SYN2: variants seen among roughly 807,000 people sequenced by gnomAD.
The protein encoded by SYN2 is synapsin II, also known as synapsin-2.
A neutral mutation model predicts 50.9 loss-of-function variants in SYN2; 19 were observed. The observed-to-expected ratio is 0.37, with a 90% confidence interval of 0.26 to 0.55. The LOEUF (loss-of-function observed/expected upper bound fraction) is 0.55, where lower values mean the gene tolerates loss of function less well. Among genes scored for constraint, SYN2 ranks in the 20% least tolerant of loss-of-function variants. The pLI is 0.81. For missense variants in SYN2, 587 were observed against 576.4 expected, an observed-to-expected ratio of 1.02 and a Z score of -0.19; for synonymous variants, 255 against 224.9, an observed-to-expected ratio of 1.13 and a Z score of -1.20.
At chr3:12,017,791 C>T (rs1259820766) in intron 1 of SYN2, among the ~76,000 whole-genome samples, 1 of 152,106 alleles carries the variant, frequency 6.6e-6, no homozygotes, top group African/African-American at 2.4e-5. Flanking sequence ...CATTTGTGAA[C>T]AGATTTTCAT....
chr3:12,082,322 A>G (rs893458211), intron 1 of SYN2, among the ~76,000 whole-genome samples: 1 of 152,174 alleles, frequency 6.6e-6, no homozygotes, highest in African/African-American at 2.4e-5. Context: ...GCACATACCA[A>G]AATTACAGAC....
chr3:12,178,326 G>A (rs756286750), intron 10 of SYN2, among the ~76,000 whole-genome samples: 1 of 152,210 alleles, frequency 6.6e-6, no homozygotes, highest in Non-Finnish European at 1.5e-5. Context: ...CAGCTCACAA[G>A]TGTTGAGTCA....
chr3:12,154,323 T>G, intron 5 of SYN2: 1 of 1,614,216 alleles, frequency 6.2e-7, no homozygotes, highest in African/African-American at 1.3e-5. Context: ...GGACATTCCC[T>G]TACTTGGCAG....
At chr3:12,148,661 C>T (rs886242549) in intron 4 of SYN2, 5 of 152,154 alleles carry the variant, frequency 3.3e-5, no homozygotes, top group African/African-American at 4.8e-5. Flanking sequence ...ATGGCACCAC[C>T]GTTTATTGCT....
At chr3:12,151,468 C>G in intron 5 of SYN2, 142 bp downstream of exon 5, 1 of 633,934 alleles carries the variant, frequency 1.6e-6, no homozygotes, top group Non-Finnish European at 2.8e-6. Context: ...GCTTATGCGG[C>G]TGGAATAACT....
intron 6 of SYN2, 42 bp from the exon 7 acceptor site, chr3:12,161,970 G>A (rs745652854): frequency 2.5e-5 from 40 of 1,611,144 alleles, no homozygotes; most frequent in Non-Finnish European, 3.2e-5. Flanking sequence ...GTGTGTATGT[G>A]TGTGTCTCCC....
chr3:12,085,369 A>ACGCACGCACG (rs1302420459), intron 1 of SYN2, among the ~76,000 whole-genome samples: 49 of 149,952 alleles, frequency 3.3e-4, no homozygotes, highest in South Asian at 1.5e-3. Flanking sequence ...ACACACACAC[A>ACGCACGCACG]CACACACACA....
Position 12,015,667 on chromosome 3 carries a change from C to G in SYN2, c.377+10739C>G, listed in dbSNP as rs541182994. 3.9e-5 allele frequency among the ~76,000 whole-genome samples: 6 copies of G among 152,298 alleles called. No individual in the cohort carries two copies. The South Asian group carries it at 1.2e-3, about 32-fold the overall frequency. On this transcript the variant is annotated intron_variant, in intron 1 of 12. Coordinates refer to ENST00000621198, the MANE Select transcript of SYN2 (RefSeq NM_133625.6). ...ACATAAGGCTGATTACGTACCTGCT[C>G]GCACCTCTCCCTCATTCACCCTTGT... is the stretch of plus-strand genomic sequence containing the variant.
At chr3:12,114,900 T>A (rs1696398086) in intron 1 of SYN2, among the ~76,000 whole-genome samples, 1 of 152,142 alleles carries the variant, frequency 6.6e-6, no homozygotes, top group Non-Finnish European at 1.5e-5. Context: ...GAGCTTTCTA[T>A]TAACCACAAC....
chr3:12,160,075 A>T (rs549772945), intron 5 of SYN2, among the ~76,000 whole-genome samples: 2 of 151,920 alleles, frequency 1.3e-5, no homozygotes, highest in South Asian at 2.1e-4. Context: ...AAGTAAAAGA[A>T]AAAACAAAGA....
At chr3:12,182,697 A>G (rs1225182883) in intron 10 of SYN2, among the ~76,000 whole-genome samples, 2 of 152,214 alleles carry the variant, frequency 1.3e-5, no homozygotes, top group Non-Finnish European at 2.9e-5. Flanking sequence ...TTCCCAGCCG[A>G]GTCCAAAGAG....
chr3:12,020,691 T>G (rs1694115001), intron 1 of SYN2, among the ~76,000 whole-genome samples: 1 of 152,192 alleles, frequency 6.6e-6, no homozygotes, highest in African/African-American at 2.4e-5. Context: ...TTGTTTGACT[T>G]TAATGATTTA....
chr3:12,187,391 A>C lies in SYN2; in HGVS notation c.1392A>C (p.Gly464=), dbSNP rs1296919286. 4 of 1,548,152 alleles carry C rather than the reference A, an allele frequency of 2.6e-6. No individual in the cohort carries two copies. The highest frequency in any genetic ancestry group is 3.5e-6 in the Non-Finnish European group (4 of 1,144,108). The change falls in exon 12 of 13, where the codon GGA becomes GGC. Residue 464 remains glycine (G), a synonymous_variant. Coordinates refer to ENST00000621198, the MANE Select transcript of SYN2 (RefSeq NM_133625.6). The part of the protein sequence containing the change: ...PPQGGPGQPQ[G]MQPPGKVLPP... ...TAGGGGGCCCTGGGCAACCCCAAGG[A>C]ATGCAGCCCCCAGGCAAGGTGCTGC...
rs186855226 is a variant in SYN2 at position 12,092,482 on chromosome 3, C to T, written c.378-48169C>T. ...ATAGAGGAAGAAGTAAGTTAGTTTA[C>T]CTGGAGGGGTCATATCTGAATGGCT... On this transcript the variant is annotated intron_variant, in intron 1 of 12. Transcript: ENST00000621198. Among the ~76,000 whole-genome samples, 35 of 152,160 alleles carry T rather than the reference C, an allele frequency of 2.3e-4. 1 individual carries two copies. The highest frequency in any genetic ancestry group is 3.9e-4 in the Admixed American group (6 of 15,286).
intron 1 of SYN2, among the ~76,000 whole-genome samples, chr3:12,019,195 T>C (rs1007868037): frequency 6.6e-6 from 1 of 152,182 alleles, no homozygotes; most frequent in African/African-American, 2.4e-5. Context: ...TGGGGGAATT[T>C]GGAGGGAATT....
intron 1 of SYN2, among the ~76,000 whole-genome samples, chr3:12,129,298 G>C (rs970089706): frequency 1.3e-5 from 2 of 152,054 alleles, no homozygotes; most frequent in African/African-American, 4.8e-5. Context: ...AAGCCCAAGA[G>C]GACAGATAAT....
At chr3:12,099,462 T>C (rs928382146) in intron 1 of SYN2, among the ~76,000 whole-genome samples, 3 of 152,006 alleles carry the variant, frequency 2.0e-5, no homozygotes, top group African/African-American at 7.3e-5. Flanking sequence ...ACACAACCAA[T>C]GAGTCAAAGC....
intron 5 of SYN2, among the ~76,000 whole-genome samples, chr3:12,155,749 C>A (rs539511600): frequency 6.6e-6 from 1 of 152,324 alleles, no homozygotes; most frequent in Admixed American, 6.5e-5. Flanking sequence ...TCCCTGAAGG[C>A]AGGGAACATG....
chr3:12,005,575 ATTTT>A (rs34618576), intron 1 of SYN2, among the ~76,000 whole-genome samples: 1,852 of 136,366 alleles, frequency 0.014, 41 homozygotes, highest in East Asian at 0.044. Context: ...GACGTGTGGA[ATTTT>A]TTTTTTTTTT....
Sources: allele counts gnomAD v4.1 joint callset (sites outside exome capture counted in the v4.1 genomes callset), GRCh38; gene constraint gnomAD v4.1.1; transcripts MANE v1.5; gene names NCBI Gene and HGNC (gene_info 2026-07-23, HGNC 2026-07-21).